ZNF749: variants seen among roughly 807,000 people sequenced by gnomAD.
ZNF749 encodes the protein zinc finger protein 749.
Under a neutral mutation model 7.3 loss-of-function variants are expected in ZNF749, and 8 were observed. The ratio of observed to expected loss-of-function variants is 1.10; its 90% confidence interval spans 0.64 to 1.98. The LOEUF is 1.98. Ranked by LOEUF, ZNF749 falls within the 30% of genes most tolerant of loss-of-function variation. The pLI is 0.00. For synonymous variants in ZNF749, 310 were observed against 322.4 expected (o/e 0.96, Z 0.41); for missense variants, 898 against 932.4 (o/e 0.96, Z 0.48).
chr19:57,438,813 T>C (rs2088959889), intron 1 of ZNF749, among the ~76,000 whole-genome samples: 1 of 152,168 alleles, frequency 6.6e-6, no homozygotes, highest in African/African-American at 2.4e-5. Flanking sequence ...AGCCTCTGGT[T>C]ATAGAGTGGT....
At chr19:57,440,469 A>G (rs991431018) in intron 1 of ZNF749, among the ~76,000 whole-genome samples, 2 of 151,966 alleles carry the variant, frequency 1.3e-5, no homozygotes, top group African/African-American at 4.8e-5. Context: ...AAACCAGAAA[A>G]CAGGACTGGG....
In ZNF749 at chr19:57,444,013, C is replaced by G; in HGVS notation, c.865C>G (p.Gln289Glu). ...AAAAAGGTCTGACCCCATTGAACAT[C>G]AGGAGATTCTCAGTAGACCAACACC... ...LSKRSDPIEH[Q>E]EILSRPTPYE... The change falls in exon 3 of 3, where the codon CAG (glutamine) becomes GAG (glutamate). Residue 289 changes from glutamine to glutamate, a missense_variant. Physicochemically the swap from Gln to Glu is conservative, Grantham distance 29 (BLOSUM62 2). Transcript: ENST00000334181. 1 of 1,613,854 alleles carries G rather than the reference C, an allele frequency of 6.2e-7. No individual in the cohort carries two copies. Among genetic ancestry groups the G allele is most frequent in the Non-Finnish European group, 8.5e-7 (1 of 1,179,870 alleles).
In ZNF749 at chr19:57,443,739, C is replaced by T. The variant is rs76624551; in HGVS notation, c.591C>T (p.Asn197=). Residue 197 remains asparagine, a synonymous_variant, in exon 3 of 3, where the codon AAC becomes AAT. Transcript: ENST00000334181. ...TTCAAGGTGAACAGAATGATTTCAACTCCAGCCAAGGTGGGAAAGACTTTT... is the reference window on the plus strand; with the variant it reads ...TTCAAGGTGAACAGAATGATTTCAATTCCAGCCAAGGTGGGAAAGACTTTT... The part of the protein sequence containing the change: ...EAFQGEQNDF[N]SSQGGKDFCH... The T allele has an allele frequency of 3.7e-6, 6 of 1,614,162 alleles. No individual in the cohort carries two copies. The African/African-American group carries it at 5.3e-5, about 14-fold the overall frequency.
rs981278502 is a variant in ZNF749, at chr19:57,446,291, C to A, written c.*806C>A. Among the ~76,000 whole-genome samples the A allele has an allele frequency of 4.6e-5, 7 of 152,060 alleles. No homozygotes were observed. The highest frequency in any genetic ancestry group is 8.8e-5 in the Non-Finnish European group (6 of 68,006). On this transcript the variant is annotated 3_prime_UTR_variant, in exon 3 of 3. Transcript: ENST00000334181. ...GCTCCTTATGAGAATCTAACTAATA[C>A]CTGATGATCTGAGGTGGGACAGTTT...
At chr19:57,437,452 A>C (rs1247933929) in intron 1 of ZNF749, among the ~76,000 whole-genome samples, 2 of 152,190 alleles carry the variant, frequency 1.3e-5, no homozygotes, top group African/African-American at 4.8e-5. Flanking sequence ...TGGGCTGGGC[A>C]CAGTGGCTCA....
At chr19:57,433,595 C>G (rs149026196), upstream of ZNF749, among the ~76,000 whole-genome samples, 588 of 148,100 alleles carry the variant, frequency 4.0e-3, 3 homozygotes, top group African/African-American at 0.014. Flanking sequence ...GCCAGACCTT[C>G]AGTTGGGCAG....
At chr19:57,433,077 A>G (rs1468471264), upstream of ZNF749, among the ~76,000 whole-genome samples, 1 of 151,158 alleles carries the variant, frequency 6.6e-6, no homozygotes, top group African/African-American at 2.4e-5. Flanking sequence ...GTAAAGTATT[A>G]GGTATGCCAT....
upstream of ZNF749, among the ~76,000 whole-genome samples, chr19:57,431,862 G>A (rs112205738): frequency 6.9e-3 from 1,042 of 152,016 alleles, 12 homozygotes; most frequent in African/African-American, 0.024. Flanking sequence ...CACTCTTGTT[G>A]CCCAGGCTGA....
upstream of ZNF749, among the ~76,000 whole-genome samples, chr19:57,433,519 C>G (rs1250633232): frequency 1.3e-4 from 19 of 151,946 alleles, no homozygotes; most frequent in Admixed American, 1.2e-3. Context: ...TTATTTTTAA[C>G]TGGTTATGTT....
In ZNF749 at chr19:57,444,196, GGGGAGA is replaced by G; in HGVS notation, c.1051_1056del (p.Glu351_Arg352del). 6.2e-7 allele frequency: 1 copy of G among 1,614,144 alleles called. No homozygotes were observed. Among genetic ancestry groups the G allele is most frequent in the Non-Finnish European group, 8.5e-7 (1 of 1,180,036 alleles). Reference sequence around the variant, plus strand: ...CATCAGACATCAGAAAGTTCACACTGGGGAGAGGCGTTACGAGTGCAGTGAATGTGG... The same window carrying G: ...CATCAGACATCAGAAAGTTCACACTGGGCGTTACGAGTGCAGTGAATGTGG... On this transcript the variant is annotated inframe_deletion, in exon 3 of 3. Transcript: ENST00000334181.
rs2089006330 is a variant in ZNF749 at position 57,442,859 on chromosome 19, T to A, written c.143-432T>A. Among the ~76,000 whole-genome samples, 1 of 152,128 alleles carries A rather than the reference T, an allele frequency of 6.6e-6. No individual in the cohort carries two copies. The highest frequency in any genetic ancestry group is 1.5e-5 in the Non-Finnish European group (1 of 68,008). On this transcript the variant is annotated intron_variant, in intron 2 of 2. Coordinates refer to ENST00000334181, the MANE Select transcript of ZNF749 (RefSeq NM_001023561.4). This position sits in a 1 kb window ranked among gnomAD's most constrained non-coding sequence, Gnocchi z 6.6. Reference sequence around the variant, plus strand: ...TGACCCCTCCTCTCCAGCCTTCATCTCTCCACCATTCTCTTCCACCTCTCC... The same window carrying A: ...TGACCCCTCCTCTCCAGCCTTCATCACTCCACCATTCTCTTCCACCTCTCC...
Position 57,443,735 on chromosome 19 carries a change from T to G in ZNF749, c.587T>G (p.Phe196Cys). ...GEAFQGEQND[F>C]NSSQGGKDFC... ...GCCTTTCAAGGTGAACAGAATGATT[T>G]CAACTCCAGCCAAGGTGGGAAAGAC... The change falls in exon 3 of 3, where the codon TTC (phenylalanine) becomes TGC (cysteine). Residue 196 changes from phenylalanine (F) to cysteine (C), a missense_variant. Phe to Cys is a radical substitution (Grantham distance 205). Coordinates refer to ENST00000334181, the MANE Select transcript of ZNF749 (RefSeq NM_001023561.4). The G allele has an allele frequency of 6.2e-7, 1 of 1,614,090 alleles. No homozygotes were observed. Among genetic ancestry groups the G allele is most frequent in the Non-Finnish European group, 8.5e-7 (1 of 1,179,996 alleles).
chr19:57,434,024 G>A (rs895109086), upstream of ZNF749, among the ~76,000 whole-genome samples: 1 of 152,140 alleles, frequency 6.6e-6, no homozygotes, highest in Admixed American at 6.5e-5. Flanking sequence ...AGGAGCTGAG[G>A]CCTTATCATA....
At chr19:57,441,836 A>T (rs770761977) in intron 1 of ZNF749, 49 bp from the exon 2 acceptor site, 22 of 1,610,024 alleles carry the variant, frequency 1.4e-5, no homozygotes, top group Non-Finnish European at 1.6e-5. Flanking sequence ...ATCTAAGGAA[A>T]CACAGAATAA....
rs2088936167 is a variant in ZNF749 at position 57,436,374 on chromosome 19, A to G, written c.15+781A>G. The stretch of plus-strand genomic sequence containing the variant: ...GGCCTGTGGATCAGATTGAGAAGGA[A>G]GAATCCTACATCGTTTTTTCATATG... On this transcript the variant is annotated intron_variant, in intron 1 of 2. Transcript: ENST00000334181. This position sits in a 1 kb window ranked among gnomAD's most constrained non-coding sequence, Gnocchi z 4.0. Among the ~76,000 whole-genome samples the G allele has an allele frequency of 6.6e-6, 1 of 152,158 alleles. No homozygotes were observed. Among genetic ancestry groups the G allele is most frequent in the African/African-American group, 2.4e-5 (1 of 41,448 alleles).
Position 57,445,323 on chromosome 19 carries a change from G to A in ZNF749, c.2175G>A (p.Lys725=). 1.2e-6 allele frequency: 2 copies of A among 1,613,876 alleles called. No individual in the cohort carries two copies. The highest frequency in any genetic ancestry group is 1.7e-6 in the Non-Finnish European group (2 of 1,179,822). ...CTCACACTGGAGAAAGTCCTTTTAA[G>A]TTAAGGGAATGTGGGAAAGACTTCA... The part of the protein sequence containing the change: ...QQSHTGESPF[K]LRECGKDFNK... Residue 725 remains lysine (K), a synonymous_variant, in exon 3 of 3, where the codon AAG becomes AAA. Transcript: ENST00000334181.
In ZNF749 at chr19:57,439,086, A is replaced by G. The variant is rs146641066; in HGVS notation, c.16-2799A>G. Among the ~76,000 whole-genome samples, 6 of 151,640 alleles carry G rather than the reference A, an allele frequency of 4.0e-5. No homozygotes were observed. In the South Asian group the frequency reaches 1.3e-3, roughly 32 times the overall value. On this transcript the variant is annotated intron_variant, in intron 1 of 2. Coordinates refer to ENST00000334181, the MANE Select transcript of ZNF749 (RefSeq NM_001023561.4). The surrounding 1 kb of genome is among the most constrained non-coding windows in gnomAD (Gnocchi z 4.3). ...ACTAGGGAAGGTTTGAGGAGGGGGGAAAAAGAGGTGACCTGACCCAGGTTT... is the reference window on the plus strand; with the variant it reads ...ACTAGGGAAGGTTTGAGGAGGGGGGGAAAAGAGGTGACCTGACCCAGGTTT...
In ZNF749 at chr19:57,435,561, C is replaced by T. The variant is rs573139462; in HGVS notation, c.-18C>T. ...CCCGCCCCGCTCTTCCCTGGGTGGA[C>T]TGGAGGAGGCCGCGCCGATGAACCT... On this transcript the variant is annotated 5_prime_UTR_variant, in exon 1 of 3. Coordinates refer to ENST00000334181, the MANE Select transcript of ZNF749 (RefSeq NM_001023561.4). The T allele has an allele frequency of 6.9e-6, 11 of 1,603,358 alleles. No homozygotes were observed. Among genetic ancestry groups the T allele is most frequent in the African/African-American group, 2.7e-5 (2 of 74,890 alleles).
the ZNF749 span, among the ~76,000 whole-genome samples, chr19:57,430,009 G>A: frequency 4.6e-5 from 7 of 152,002 alleles, no homozygotes; most frequent in East Asian, 3.9e-4. Flanking sequence ...GTTTTATTGT[G>A]GTTTATTGTG....
Sources: gnomAD v4.1 joint callset for allele counts (sites outside exome capture counted in the v4.1 genomes callset) on GRCh38, gnomAD v4.1.1 for gene constraint, Gnocchi (gnomAD v3.1) non-coding constraint, MANE v1.5 for transcripts, NCBI Gene and HGNC (gene_info 2026-07-23, HGNC 2026-07-21) for gene names.